FHL5: variants seen among roughly 807,000 people sequenced by gnomAD.
The protein encoded by FHL5 is four and a half LIM domains protein 5.
Under a neutral mutation model 32.0 loss-of-function variants are expected in FHL5, and 33 were observed. The ratio of observed to expected loss-of-function variants is 1.03; its 90% CI spans 0.78 to 1.38. The LOEUF (loss-of-function observed/expected upper bound fraction) is 1.38, where lower values mean the gene tolerates loss of function less well. Among genes scored for constraint, FHL5 ranks in the 40% most tolerant of loss-of-function variants. The probability of loss-of-function intolerance (pLI) is 0.00; values close to 1 mark genes in which losing one functional copy is unlikely to be tolerated. For missense variants in FHL5, 336 were observed against 343.9 expected (o/e 0.98, Z 0.18); for synonymous variants, 114 against 113.6 (o/e 1.00, Z -0.02).
At chr6:96,581,349 T>C (rs1213334456) in intron 1 of FHL5, among the ~76,000 whole-genome samples, 1 of 152,206 alleles carries the variant, frequency 6.6e-6, no homozygotes, top group Non-Finnish European at 1.5e-5. Flanking sequence ...TTTTCATAAA[T>C]CATGATACTA....
intron 1 of FHL5, among the ~76,000 whole-genome samples, chr6:96,592,346 A>G (rs540378630): frequency 8.5e-5 from 13 of 152,336 alleles, no homozygotes; most frequent in African/African-American, 2.9e-4. Flanking sequence ...TGCTTTTGAA[A>G]GAAGAGAAAT....
intron 5 of FHL5, among the ~76,000 whole-genome samples, chr6:96,615,346 C>G (rs563692733): frequency 6.6e-6 from 1 of 152,282 alleles, no homozygotes; most frequent in South Asian, 2.1e-4. Context: ...AAATACCTGA[C>G]TTGCATATTA....
chr6:96,613,391 C>G (rs1270627077), intron 5 of FHL5, among the ~76,000 whole-genome samples: 1 of 152,142 alleles, frequency 6.6e-6, no homozygotes, highest in Non-Finnish European at 1.5e-5. Context: ...TAGGATTAAC[C>G]TCTTAAACTA....
rs141450046 is a variant in FHL5, at chr6:96,617,217, C to T, written c.*1445C>T. Among the ~76,000 whole-genome samples, 1 of 152,316 alleles carries T rather than the reference C, an allele frequency of 6.6e-6. No homozygotes were observed. The highest frequency in any genetic ancestry group is 1.9e-4 in the East Asian group (1 of 5,184). The stretch of plus-strand genomic sequence containing the variant: ...TCTGTTTTCACATTGGTTATAGCAT[C>T]TCTTGGATGGAGTAGAGGGAGGTCA... On this transcript the variant is annotated 3_prime_UTR_variant, in exon 6 of 6. Coordinates refer to ENST00000450218, the MANE Select transcript of FHL5 (RefSeq NM_001322466.2).
At chr6:96,579,553 C>T (rs1770655556) in intron 1 of FHL5, among the ~76,000 whole-genome samples, 1 of 152,114 alleles carries the variant, frequency 6.6e-6, no homozygotes, top group East Asian at 1.9e-4. Context: ...TAATTTCCAA[C>T]ATACGAACTT....
At chr6:96,612,669 C>G (rs1224246334) in intron 5 of FHL5, among the ~76,000 whole-genome samples, 1 of 151,882 alleles carries the variant, frequency 6.6e-6, no homozygotes, top group Non-Finnish European at 1.5e-5. Flanking sequence ...TAAATTTTAC[C>G]CAAAAGTAAT....
intron 1 of FHL5, among the ~76,000 whole-genome samples, chr6:96,595,867 T>G (rs1396961104): frequency 6.6e-6 from 1 of 152,074 alleles, no homozygotes; most frequent in African/African-American, 2.4e-5. Flanking sequence ...ATTTTCCATT[T>G]TGTATCTGTT....
intron 1 of FHL5, among the ~76,000 whole-genome samples, chr6:96,581,058 G>A (rs1002206032): frequency 1.1e-4 from 17 of 152,064 alleles, no homozygotes; most frequent in Non-Finnish European, 1.2e-4. Flanking sequence ...ATATTTTAGG[G>A]AGTATAAATT....
At chr6:96,581,145 C>T (rs1248547258) in intron 1 of FHL5, among the ~76,000 whole-genome samples, 4 of 152,098 alleles carry the variant, frequency 2.6e-5, no homozygotes. Flanking sequence ...CTCTAAATTC[C>T]TGGATCCAGG....
intron 1 of FHL5, among the ~76,000 whole-genome samples, 171 bp from the exon 2 acceptor site, chr6:96,603,431 T>C (rs779739285): frequency 6.6e-6 from 1 of 152,176 alleles, no homozygotes; most frequent in Non-Finnish European, 1.5e-5. Flanking sequence ...CTTTCCTAAA[T>C]CACTCCAAAT....
intron 1 of FHL5, 83 bp from the exon 2 acceptor site, chr6:96,603,519 A>G (rs1377561915): frequency 8.6e-5 from 84 of 978,014 alleles, no homozygotes; most frequent in Non-Finnish European, 4.6e-6. Context: ...CAAATGCTTC[A>G]CTCACATTAT....
intron 1 of FHL5, among the ~76,000 whole-genome samples, chr6:96,584,349 CAT>C (rs771757730): frequency 6.6e-6 from 1 of 151,706 alleles, no homozygotes; most frequent in Non-Finnish European, 1.5e-5. Context: ...GAAGAGGAGT[CAT>C]GTGTGACAAC....
chr6:96,570,400 ACT>A (rs1199951415), intron 1 of FHL5, among the ~76,000 whole-genome samples: 1 of 151,676 alleles, frequency 6.6e-6, no homozygotes, highest in Non-Finnish European at 1.5e-5. Context: ...TGTTTTTAGA[ACT>A]CTCTGTCTTT....
chr6:96,599,916 T>G (rs1382714024), intron 1 of FHL5, among the ~76,000 whole-genome samples: 2 of 152,202 alleles, frequency 1.3e-5, no homozygotes, highest in Admixed American at 6.5e-5. Context: ...TCCAATATCT[T>G]TGAAAATTAG....
chr6:96,607,601 C>G (rs1165084138), intron 4 of FHL5, among the ~76,000 whole-genome samples: 1 of 152,128 alleles, frequency 6.6e-6, no homozygotes, highest in Non-Finnish European at 1.5e-5. Flanking sequence ...TACCAAAACA[C>G]TGGCTTAGAA....
chr6:96,584,460 TTTG>T (rs1770757822), intron 1 of FHL5, among the ~76,000 whole-genome samples: 2 of 140,624 alleles, frequency 1.4e-5, no homozygotes, highest in East Asian at 4.0e-4. Flanking sequence ...TGTGTGTGTG[TTTG>T]TGTGTGTGTG....
chr6:96,585,058 C>T (rs984731725), intron 1 of FHL5, among the ~76,000 whole-genome samples: 1 of 152,158 alleles, frequency 6.6e-6, no homozygotes, highest in Non-Finnish European at 1.5e-5. Context: ...CATCAGTCAC[C>T]TTTTGCCCTT....
chr6:96,574,030 C>G (rs992928589), intron 1 of FHL5, among the ~76,000 whole-genome samples: 1 of 151,650 alleles, frequency 6.6e-6, no homozygotes, highest in Admixed American at 6.6e-5. Flanking sequence ...AAACTTGTTT[C>G]TACTTAAAAA....
At chr6:96,568,180 A>G (rs1481995471) in intron 1 of FHL5, among the ~76,000 whole-genome samples, 1 of 151,900 alleles carries the variant, frequency 6.6e-6, no homozygotes, top group Non-Finnish European at 1.5e-5. Flanking sequence ...AATTTTTATC[A>G]TGAGGGGATG....
Sources: allele counts gnomAD v4.1 joint callset (sites outside exome capture counted in the v4.1 genomes callset), GRCh38; gene constraint gnomAD v4.1.1; transcripts MANE v1.5; gene names NCBI Gene and HGNC (gene_info 2026-07-23, HGNC 2026-07-21).